Variants in HMGN1 observed in about 807,000 individuals in gnomAD.
HMGN1 encodes the protein non-histone chromosomal protein HMG-14.
Under a neutral mutation model 18.4 loss-of-function variants are expected in HMGN1, and 9 were observed. The ratio of observed to expected loss-of-function variants is 0.49; its 90% CI spans 0.29 to 0.85. HMGN1 has a LOEUF of 0.85. Ranked by LOEUF, HMGN1 falls within the 40% of genes least tolerant of loss-of-function variation. The pLI is 0.07. For missense variants in HMGN1, 151 were observed against 119.2 expected (o/e 1.27, Z -1.24); for synonymous variants, 59 against 45.0 (o/e 1.31, Z -1.24).
chr21:39,347,404 T>C, intron 4 of HMGN1: 4 of 1,240,708 alleles, frequency 3.2e-6, no homozygotes, highest in Non-Finnish European at 4.2e-6. Flanking sequence ...ACAAATTTAG[T>C]AATTATCCAA....
chr21:39,345,342 T>TC (rs771552926), intron 4 of HMGN1, 68 bp from the exon 5 acceptor site: 34 of 1,505,792 alleles, frequency 2.3e-5, no homozygotes, highest in Non-Finnish European at 2.9e-5. Context: ...TTTTACTTTT[T>TC]CCCCTTCATG....
Position 39,348,597 on chromosome 21 carries a change from C to G in HMGN1, c.16-20G>C, listed in dbSNP as rs764629545. ...GCTGACCTGCGGAGACGGAGACGCA[C>G]GAATAGAGGCGGGCCGCAGTCCCAG... On this transcript the variant is annotated intron_variant, in intron 1 of 5. Transcript: ENST00000380749. The G allele has an allele frequency of 3.2e-6, 5 of 1,578,794 alleles. No homozygotes were observed. Among genetic ancestry groups the G allele is most frequent in the Non-Finnish European group, 3.4e-6 (4 of 1,164,854 alleles).
At chr21:39,347,393 G>A (rs1290643044) in intron 4 of HMGN1, 1 of 1,212,224 alleles carries the variant, frequency 8.2e-7, no homozygotes, top group South Asian at 1.4e-5. Flanking sequence ...ATTTAACAAG[G>A]ACAAATTTAG....
chr21:39,349,051 T>C lies in HMGN1; in HGVS notation c.-134A>G. 1 of 1,015,644 alleles carries C rather than the reference T, an allele frequency of 9.8e-7. No homozygotes were observed. The highest frequency in any genetic ancestry group is 1.2e-6 in the Non-Finnish European group (1 of 806,778). The allele number at this position is 1,015,644 out of a possible 1,614,324, so 62.9% of individuals were successfully genotyped here. On this transcript the variant is annotated 5_prime_UTR_variant, in exon 1 of 6. Transcript: ENST00000380749. ...CTGCCACTCCTCCCGCCGCCCGAGC[T>C]GCTGAGACCCACAGCGGGGGCGGTG...
rs2036893530 is a variant in HMGN1 at position 39,342,416 on chromosome 21, T to C, written c.*696A>G. 1 of 193,124 alleles carries C rather than the reference T, an allele frequency of 5.2e-6. No individual in the cohort carries two copies. Among genetic ancestry groups the C allele is most frequent in the Admixed American group, 5.4e-5 (1 of 18,678 alleles). The allele number at this position is 193,124 out of a possible 1,614,324, so 12.0% of individuals were successfully genotyped here. A position where few individuals can be genotyped will look rare whatever the true frequency, so the allele number is the denominator to read the frequency against. On this transcript the variant is annotated 3_prime_UTR_variant, in exon 6 of 6. Coordinates refer to ENST00000380749, the MANE Select transcript of HMGN1 (RefSeq NM_004965.7). ...AACGAAATTCTAAAAAGCCATGTAT[T>C]GTAATTCTTTTTTAAAGTTATTCCA...
At position 39,348,987 on chromosome 21, in the gene HMGN1, G is replaced by A. The variant is rs2037174553; in HGVS notation, c.-70C>T. The A allele has an allele frequency of 3.3e-6, 4 of 1,194,136 alleles. No homozygotes were observed. Among genetic ancestry groups the A allele is most frequent in the African/African-American group, 1.7e-5 (1 of 57,164 alleles). The allele number at this position is 1,194,136 out of a possible 1,614,324, so 74.0% of individuals were successfully genotyped here. ...GCGTGCCGGGTGCCTGCGGGCCGCGGCGCGCCGACAGCCTTCGCGAAACTG... is the reference window on the plus strand; with the variant it reads ...GCGTGCCGGGTGCCTGCGGGCCGCGACGCGCCGACAGCCTTCGCGAAACTG... On this transcript the variant is annotated 5_prime_UTR_variant, in exon 1 of 6. Coordinates refer to ENST00000380749, the MANE Select transcript of HMGN1 (RefSeq NM_004965.7).
rs1045347441 is a variant in HMGN1, at chr21:39,347,515, A to G, written c.126+777T>C. On this transcript the variant is annotated intron_variant, in intron 4 of 5. Coordinates refer to ENST00000380749, the MANE Select transcript of HMGN1 (RefSeq NM_004965.7). ...GGAAAGAGGTGAAGGCATTAACAAA[A>G]ATTTTTTTTGAGACTTCAAATAGCA... 2.8e-6 allele frequency: 3 copies of G among 1,064,990 alleles called. No individual in the cohort carries two copies. The African/African-American group carries it at 4.9e-5, about 17-fold the overall frequency. 66.0% of individuals were successfully genotyped at this position (1,064,990 alleles called of 1,614,324 possible).
chr21:39,345,384 T>C (rs963946278), intron 4 of HMGN1, 110 bp from the exon 5 acceptor site: 6 of 1,055,870 alleles, frequency 5.7e-6, no homozygotes, highest in Non-Finnish European at 5.6e-6. Context: ...TGGTGCTGAC[T>C]TCATAGTAAG....
chr21:39,344,098 T>C (rs966794524), intron 5 of HMGN1, among the ~76,000 whole-genome samples: 11 of 151,750 alleles, frequency 7.2e-5, no homozygotes, highest in Non-Finnish European at 1.2e-4. Context: ...CTACTAAAAA[T>C]ACAAAAAATT....
chr21:39,342,589 A>C lies in HMGN1; in HGVS notation c.*523T>G, dbSNP rs2146849921. ...TACATGTTCAAATCTGTAATCTTTC[A>C]CAGCACAGTAACAAAGTTATTAGGA... is the stretch of plus-strand genomic sequence containing the variant. On this transcript the variant is annotated 3_prime_UTR_variant, in exon 6 of 6. Coordinates refer to ENST00000380749, the MANE Select transcript of HMGN1 (RefSeq NM_004965.7). 1 of 312,976 alleles carries C rather than the reference A, an allele frequency of 3.2e-6. No homozygotes were observed. Among genetic ancestry groups the C allele is most frequent in the East Asian group, 8.1e-5 (1 of 12,344 alleles). The allele number at this position is 312,976 out of a possible 1,614,324, so 19.4% of individuals were successfully genotyped here. A position where few individuals can be genotyped will look rare whatever the true frequency, so the allele number is the denominator to read the frequency against.
intron 4 of HMGN1, chr21:39,345,987 T>C: frequency 7.8e-7 from 1 of 1,281,960 alleles, no homozygotes; most frequent in Non-Finnish European, 1.0e-6. Flanking sequence ...AATATGACCA[T>C]ACTAACTTGA....
chr21:39,347,212 G>C (rs1601556713), intron 4 of HMGN1: 2 of 446,716 alleles, frequency 4.5e-6, no homozygotes, highest in Non-Finnish European at 6.5e-6. Context: ...TTCTGGTAAT[G>C]AGAAATTTAA....
intron 4 of HMGN1, chr21:39,347,348 T>C: frequency 1.9e-6 from 2 of 1,069,964 alleles, no homozygotes; most frequent in Non-Finnish European, 2.4e-6. Context: ...AAAATTTAAA[T>C]TAAAAAAGAA....
intron 5 of HMGN1, among the ~76,000 whole-genome samples, 187 bp downstream of exon 5, chr21:39,344,959 A>G (rs2776311): frequency 0.41 from 62,196 of 152,078 alleles, 13,033 homozygotes; most frequent in Middle Eastern, 0.47. Context: ...AGCCATTTAC[A>G]TATTTACTTT....
At position 39,342,839 on chromosome 21, in the gene HMGN1, A is replaced by C. The variant is rs781773893; in HGVS notation, c.*273T>G. On this transcript the variant is annotated 3_prime_UTR_variant, in exon 6 of 6. Coordinates refer to ENST00000380749, the MANE Select transcript of HMGN1 (RefSeq NM_004965.7). Reference sequence around the variant, plus strand: ...ACTAACCCCCCATCTGTGGAATGTTAAGCTGACACCCGAGACAGTCAGAGC... The same window carrying C: ...ACTAACCCCCCATCTGTGGAATGTTCAGCTGACACCCGAGACAGTCAGAGC... 6.2e-6 allele frequency: 9 copies of C among 1,447,372 alleles called. No homozygotes were observed. The South Asian group carries it at 1.1e-4, about 18-fold the overall frequency. 89.7% of individuals were successfully genotyped at this position (1,447,372 alleles called of 1,614,324 possible). A position where few individuals can be genotyped will look rare whatever the true frequency, so the allele number is the denominator to read the frequency against.
intron 1 of HMGN1, 157 bp from the exon 2 acceptor site, chr21:39,348,734 G>A (rs1401354579): frequency 9.0e-7 from 1 of 1,117,178 alleles, no homozygotes; most frequent in South Asian, 1.9e-5. Context: ...AAACGTTCCA[G>A]AACGCCCGCC....
intron 5 of HMGN1, chr21:39,344,540 AGAG>A (rs1331439364): frequency 2.0e-5 from 3 of 152,202 alleles, no homozygotes; most frequent in African/African-American, 4.8e-5. Flanking sequence ...CTTCCAGGCT[AGAG>A]GAGTGCAGTA....
intron 4 of HMGN1, 89 bp downstream of exon 4, chr21:39,348,203 T>C: frequency 1.3e-6 from 2 of 1,494,016 alleles, no homozygotes; most frequent in Non-Finnish European, 9.3e-7. Context: ...TAAATAAAGC[T>C]CCAATAGCTA....
In HMGN1 at chr21:39,342,667, A is replaced by T. The variant is rs1174017890; in HGVS notation, c.*445T>A. ...GAGTGCACACAATTCTGGCAGAGAG[A>T]GCCATGATCAAAGAGTGGTTTTCTT... On this transcript the variant is annotated 3_prime_UTR_variant, in exon 6 of 6. Coordinates refer to ENST00000380749, the MANE Select transcript of HMGN1 (RefSeq NM_004965.7). The T allele has an allele frequency of 1.8e-5, 6 of 330,226 alleles. No individual in the cohort carries two copies. The highest frequency in any genetic ancestry group is 6.9e-5 in the South Asian group (3 of 43,446). 20.5% of individuals were successfully genotyped at this position (330,226 alleles called of 1,614,324 possible). A position where few individuals can be genotyped will look rare whatever the true frequency, so the allele number is the denominator to read the frequency against.
Sources: gnomAD v4.1 joint callset for allele counts (sites outside exome capture counted in the v4.1 genomes callset) on GRCh38, gnomAD v4.1.1 for gene constraint, MANE v1.5 for transcripts, NCBI Gene and HGNC (gene_info 2026-07-23, HGNC 2026-07-21) for gene names.